Variants in SEPTIN9 observed in about 807,000 individuals in gnomAD.
SEPTIN9 encodes septin 9.
In SEPTIN9, 13 loss-of-function variants were observed where a neutral mutation model predicts 56.6. The ratio of observed to expected loss-of-function variants is 0.23; its 90% CI spans 0.15 to 0.37. SEPTIN9 has a LOEUF of 0.37. SEPTIN9 is among the 10% of genes least tolerant of loss of function. The probability of loss-of-function intolerance (pLI) is 1.00; values close to 1 mark genes in which losing one functional copy is unlikely to be tolerated. For missense variants in SEPTIN9, 650 were observed against 823.1 expected, an observed-to-expected ratio of 0.79 and a Z score of 2.57; for synonymous variants, 332 against 334.1, an observed-to-expected ratio of 0.99 and a Z score of 0.07.
chr17:77,294,193 C>T (rs550770864), intron 1 of SEPTIN9, among the ~76,000 whole-genome samples: 5 of 151,144 alleles, frequency 3.3e-5, no homozygotes, highest in South Asian at 2.1e-4. Context: ...TTGAGATGGG[C>T]GGATCACTTG....
rs186015222 is a variant in SEPTIN9 at position 77,495,234 on chromosome 17, C to A, written c.1574-2081C>A. 4.3e-3 allele frequency among the ~76,000 whole-genome samples: 656 copies of A among 152,288 alleles called. 1 individual carries two copies. The highest frequency in any genetic ancestry group is 7.3e-3 in the Non-Finnish European group (496 of 68,030). On this transcript the variant is annotated intron_variant, in intron 10 of 11. Coordinates refer to ENST00000427177, the MANE Select transcript of SEPTIN9 (RefSeq NM_001113491.2). ...TGTGCGTTGTTGAGCACCACTGGCT[C>A]CAGCTGAGGAAGAGTCTGGAACCTG...
chr17:77,452,930 G>A (rs997581552), intron 3 of SEPTIN9, among the ~76,000 whole-genome samples: 9 of 150,800 alleles, frequency 6.0e-5, no homozygotes, highest in African/African-American at 9.8e-5. Context: ...TCTCTTTTAG[G>A]CTGAGATGTG....
At chr17:77,398,595 G>A (rs1008679071) in intron 2 of SEPTIN9, among the ~76,000 whole-genome samples, 6 of 152,192 alleles carry the variant, frequency 3.9e-5, no homozygotes, top group African/African-American at 7.2e-5. Flanking sequence ...CATTCCAGCC[G>A]GGACATGGTT....
intron 2 of SEPTIN9, among the ~76,000 whole-genome samples, chr17:77,385,428 A>T (rs1311691340): frequency 6.6e-6 from 1 of 151,030 alleles, no homozygotes; most frequent in Non-Finnish European, 1.5e-5. Context: ...CATGTTGACC[A>T]GGCTGGTCTC....
In SEPTIN9 at chr17:77,456,796, A is replaced by C. The variant is rs1358713243; in HGVS notation, c.722-25348A>C. ...GTCCCCATGGCCAGTACCAGGTCTC[A>C]GGGACCAGCGCTGGGTCCCCACAGC... On this transcript the variant is annotated intron_variant, in intron 3 of 11. Coordinates refer to ENST00000427177, the MANE Select transcript of SEPTIN9 (RefSeq NM_001113491.2). The surrounding 1 kb of genome is among the most constrained non-coding windows in gnomAD (Gnocchi z 6.0). Among the ~76,000 whole-genome samples, 1 of 152,102 alleles carries C rather than the reference A, an allele frequency of 6.6e-6. No individual in the cohort carries two copies. The highest frequency in any genetic ancestry group is 6.5e-5 in the Admixed American group (1 of 15,276).
rs2034606462 is a variant in SEPTIN9, at chr17:77,367,484, G to A, written c.77-34575G>A. Among the ~76,000 whole-genome samples, 1 of 152,148 alleles carries A rather than the reference G, an allele frequency of 6.6e-6. No homozygotes were observed. Among genetic ancestry groups the A allele is most frequent in the African/African-American group, 2.4e-5 (1 of 41,422 alleles). On this transcript the variant is annotated intron_variant, in intron 2 of 11. Coordinates refer to ENST00000427177, the MANE Select transcript of SEPTIN9 (RefSeq NM_001113491.2). This position sits in a 1 kb window ranked among gnomAD's most constrained non-coding sequence, Gnocchi z 4.5. Reference sequence around the variant, plus strand: ...GTCCCTAAAGCCACTGTCTCAAGGGGTCTCATGGGACAATGGGAGAGTTGC... The same window carrying A: ...GTCCCTAAAGCCACTGTCTCAAGGGATCTCATGGGACAATGGGAGAGTTGC...
chr17:77,387,906 C>G lies in SEPTIN9; in HGVS notation c.77-14153C>G, dbSNP rs567477370. ...ACCCCCACCTCCCCCTTCCCGCCCC[C>G]CTTCACCAGCCCTGTTCCCAGAGCT... On this transcript the variant is annotated intron_variant, in intron 2 of 11. Transcript: ENST00000427177. Among the ~76,000 whole-genome samples the G allele has an allele frequency of 1.1e-3, 160 of 150,962 alleles. 5 individuals carry two copies. The highest frequency in any genetic ancestry group is 4.6e-4 in the Admixed American group (7 of 15,148).
At chr17:77,324,410 G>C (rs1194424568) in intron 2 of SEPTIN9, among the ~76,000 whole-genome samples, 1 of 152,152 alleles carries the variant, frequency 6.6e-6, no homozygotes. Flanking sequence ...CTTTGGGGTG[G>C]CCTTTGGCCT....
At chr17:77,364,198 C>T (rs2034503430) in intron 2 of SEPTIN9, among the ~76,000 whole-genome samples, 3 of 152,232 alleles carry the variant, frequency 2.0e-5, no homozygotes, top group African/African-American at 7.2e-5. Flanking sequence ...GCACCCCGCG[C>T]TTCCTGTCTG....
intron 3 of SEPTIN9, 140 bp from the exon 4 acceptor site, chr17:77,482,004 G>T (rs962112677): frequency 6.6e-6 from 5 of 763,226 alleles, no homozygotes; most frequent in Non-Finnish European, 1.0e-5. Flanking sequence ...ATTCTCAGGG[G>T]TCGCCTGGGC....
At chr17:77,342,999 G>A (rs62079559) in intron 2 of SEPTIN9, among the ~76,000 whole-genome samples, 1 of 80,898 alleles carries the variant, frequency 1.2e-5, no homozygotes, top group South Asian at 5.3e-4. Flanking sequence ...CTGTCTGTCT[G>A]TCTGTCTATC....
chr17:77,334,871 G>A (rs1185837136), intron 2 of SEPTIN9, among the ~76,000 whole-genome samples: 1 of 152,112 alleles, frequency 6.6e-6, no homozygotes. Context: ...TTCTAGCACC[G>A]TTTGTTGAAA....
intron 1 of SEPTIN9, 149 bp downstream of exon 1, chr17:77,281,703 AG>A: frequency 1.4e-6 from 1 of 712,900 alleles, no homozygotes; most frequent in Non-Finnish European, 2.2e-6. Context: ...CTCCCAGGAC[AG>A]GGCCGCTGTC....
chr17:77,385,117 A>G lies in SEPTIN9; in HGVS notation c.77-16942A>G, dbSNP rs2574854. On this transcript the variant is annotated intron_variant, in intron 2 of 11. Coordinates refer to ENST00000427177, the MANE Select transcript of SEPTIN9 (RefSeq NM_001113491.2). ...GAGGCTGAGGCAGGAGGATTCCTTA[A>G]GCCCAGGAGTTTGAGACCAGCCTGG... Among the ~76,000 whole-genome samples, 655 of 151,458 alleles carry G rather than the reference A, an allele frequency of 4.3e-3. 5 individuals carry two copies. Among genetic ancestry groups the G allele is most frequent in the African/African-American group, 0.015 (618 of 41,264 alleles).
intron 3 of SEPTIN9, among the ~76,000 whole-genome samples, chr17:77,415,639 A>G (rs958566669): frequency 8.2e-6 from 1 of 122,582 alleles, no homozygotes; most frequent in Non-Finnish European, 1.9e-5. Context: ...AAAAAAAAAA[A>G]AAAAAGAAAA....
chr17:77,333,985 A>G (rs1162048380), intron 2 of SEPTIN9, among the ~76,000 whole-genome samples: 1 of 152,188 alleles, frequency 6.6e-6, no homozygotes, highest in African/African-American at 2.4e-5. Flanking sequence ...TCATTTTATA[A>G]TGCTTGAAAG....
At position 77,373,656 on chromosome 17, in the gene SEPTIN9, T is replaced by C. The variant is rs1455292309; in HGVS notation, c.77-28403T>C. On this transcript the variant is annotated intron_variant, in intron 2 of 11. Coordinates refer to ENST00000427177, the MANE Select transcript of SEPTIN9 (RefSeq NM_001113491.2). ...GCGCTGAGGGGAGACGGGAGTGCGC[T>C]GAGGGGAGACGGGACCCCTAATCCA... The C allele has an allele frequency of 5.4e-6, 8 of 1,478,164 alleles. No individual in the cohort carries two copies. In the East Asian group the frequency reaches 2.3e-4, roughly 42 times the overall value. The allele number at this position is 1,478,164 out of a possible 1,614,324, so 91.6% of individuals were successfully genotyped here.
chr17:77,380,235 C>T (rs895638059), intron 2 of SEPTIN9: 7 of 163,708 alleles, frequency 4.3e-5, no homozygotes, highest in Admixed American at 2.7e-4. Context: ...TCGATGTCAG[C>T]CGGGACCATA....
intron 4 of SEPTIN9, among the ~76,000 whole-genome samples, chr17:77,485,289 G>A (rs2039725952): frequency 1.6e-5 from 2 of 129,018 alleles, no homozygotes; most frequent in South Asian, 2.4e-4. Context: ...TGGTGGTGTT[G>A]ATGGGGGTGA....
Sources: gnomAD v4.1 joint callset for allele counts (sites outside exome capture counted in the v4.1 genomes callset) on GRCh38, gnomAD v4.1.1 for gene constraint, Gnocchi (gnomAD v3.1) non-coding constraint, MANE v1.5 for transcripts, NCBI Gene and HGNC (gene_info 2026-07-23, HGNC 2026-07-21) for gene names.